LCP1: variants seen among roughly 807,000 people sequenced by gnomAD.
LCP1 encodes plastin-2.
A neutral mutation model predicts 72.0 loss-of-function variants in LCP1; 23 were observed. The ratio of observed to expected loss-of-function variants is 0.32; its 90% confidence interval spans 0.23 to 0.45. The LOEUF (loss-of-function observed/expected upper bound fraction) is 0.45. Ranked by LOEUF, LCP1 falls within the 20% of genes least tolerant of loss-of-function variation. The pLI is 1.00. For missense variants in LCP1, 571 were observed against 748.3 expected, an observed-to-expected ratio of 0.76 and a Z score of 2.76; for synonymous variants, 245 against 275.4, an observed-to-expected ratio of 0.89 and a Z score of 1.09.
intron 5 of LCP1, among the ~76,000 whole-genome samples, chr13:46,155,765 T>C (rs1661624386): frequency 6.6e-6 from 1 of 152,216 alleles, no homozygotes. Flanking sequence ...GTGGGTAGGA[T>C]GCAGTCCCCC....
intron 1 of LCP1, among the ~76,000 whole-genome samples, chr13:46,177,496 C>T (rs968264759): frequency 1.3e-4 from 20 of 151,958 alleles, no homozygotes; most frequent in Admixed American, 5.9e-4. Context: ...AAAAATTAGC[C>T]GGGCGTGGTG....
chr13:46,162,817 G>A (rs1228051038), intron 1 of LCP1, among the ~76,000 whole-genome samples: 1 of 151,958 alleles, frequency 6.6e-6, no homozygotes, highest in Non-Finnish European at 1.5e-5. Context: ...GATGTGAGGA[G>A]CGCCTCTGCC....
Position 46,159,081 on chromosome 13 carries a change from G to A in LCP1, c.65-92C>T, listed in dbSNP as rs191283717. The A allele has an allele frequency of 4.3e-5, 50 of 1,151,792 alleles. No individual in the cohort carries two copies. The Middle Eastern group carries it at 5.9e-4, about 14-fold the overall frequency. 71.3% of individuals were successfully genotyped at this position (1,151,792 alleles called of 1,614,324 possible). A position where few individuals can be genotyped will look rare whatever the true frequency, so the allele number is the denominator to read the frequency against. ...AAGACTAGATGGAAGGTGAAGGGAC[G>A]AGAGAGGCTATCATTCAGACATTAA... On this transcript the variant is annotated intron_variant, in intron 2 of 15. Transcript: ENST00000323076.
chr13:46,167,452 A>G (rs369609676), intron 1 of LCP1, among the ~76,000 whole-genome samples: 1 of 152,270 alleles, frequency 6.6e-6, no homozygotes, highest in African/African-American at 2.4e-5. Flanking sequence ...TGACACAAGA[A>G]CAAGCCTCCT....
Position 46,174,610 on chromosome 13 carries a change from G to A in LCP1, c.-25+7501C>T, listed in dbSNP as rs144208333. On this transcript the variant is annotated intron_variant, in intron 1 of 15. Transcript: ENST00000323076. ...TGTAATCCCAGAACTTTGGGAGGCC[G>A]AAGTAGGGGGATCGCCTGAGGTCAG... 3.9e-5 allele frequency among the ~76,000 whole-genome samples: 6 copies of A among 152,202 alleles called. No individual in the cohort carries two copies. The East Asian group carries it at 7.7e-4, about 20-fold the overall frequency.
chr13:46,153,641 C>T (rs541259309), intron 6 of LCP1, among the ~76,000 whole-genome samples: 16 of 148,354 alleles, frequency 1.1e-4, no homozygotes, highest in Non-Finnish European at 2.1e-4. Context: ...GCAGAGGTTG[C>T]GGTGAGCTGA....
chr13:46,142,605 A>G (rs1227155387), intron 12 of LCP1, 180 bp from the exon 13 acceptor site: 1 of 649,678 alleles, frequency 1.5e-6, no homozygotes, highest in African/African-American at 1.8e-5. Flanking sequence ...ATCTGTCCTT[A>G]GAACCCCTCA....
In LCP1 at chr13:46,130,949, A is replaced by C; in HGVS notation, c.1627-11T>G. ...ACTAATCTTCGGGTCCTATGCAGAG[A>C]CACAGGGAGGGTTTCATCAACGTGT... On this transcript the variant is annotated splice_polypyrimidine_tract_variant and intron_variant, in intron 14 of 15. Transcript: ENST00000323076. 1 of 1,576,444 alleles carries C rather than the reference A, an allele frequency of 6.3e-7. No homozygotes were observed. Among genetic ancestry groups the C allele is most frequent in the Non-Finnish European group, 8.6e-7 (1 of 1,166,120 alleles).
At chr13:46,165,587 G>A (rs1458026586) in intron 1 of LCP1, among the ~76,000 whole-genome samples, 2 of 152,148 alleles carry the variant, frequency 1.3e-5, no homozygotes, top group Non-Finnish European at 1.5e-5. Flanking sequence ...AAAAGGAGGG[G>A]CTAAAGAAAG....
chr13:46,141,542 G>T (rs957150345), intron 13 of LCP1, among the ~76,000 whole-genome samples: 4 of 151,276 alleles, frequency 2.6e-5, no homozygotes, highest in Admixed American at 1.3e-4. Context: ...AATGACAATA[G>T]ATTTCCCCTT....
intron 4 of LCP1, among the ~76,000 whole-genome samples, 197 bp downstream of exon 4, chr13:46,158,325 T>C (rs1390481731): frequency 6.6e-6 from 1 of 152,176 alleles, no homozygotes; most frequent in Non-Finnish European, 1.5e-5. Context: ...ATCAAATCAT[T>C]TTGTATTGGA....
intron 1 of LCP1, among the ~76,000 whole-genome samples, chr13:46,177,717 CAAACA>C (rs1409012060): frequency 6.6e-5 from 10 of 152,072 alleles, no homozygotes; most frequent in Non-Finnish European, 1.2e-4. Flanking sequence ...AACAAACAAA[CAAACA>C]AAAGACTAAG....
chr13:46,131,169 A>C (rs908278225), intron 14 of LCP1, among the ~76,000 whole-genome samples: 3 of 152,230 alleles, frequency 2.0e-5, no homozygotes, highest in Non-Finnish European at 4.4e-5. Flanking sequence ...TTCTCAAATA[A>C]TAAATGGAAG....
intron 1 of LCP1, among the ~76,000 whole-genome samples, chr13:46,162,932 G>A (rs983328989): frequency 1.7e-4 from 26 of 151,688 alleles, no homozygotes; most frequent in African/African-American, 6.0e-4. Context: ...GAAAAGTGAG[G>A]CGCCCCTCCG....
At chr13:46,130,542 C>T (rs1265986359) in intron 15 of LCP1, among the ~76,000 whole-genome samples, 1 of 151,462 alleles carries the variant, frequency 6.6e-6, no homozygotes, top group Non-Finnish European at 1.5e-5. Flanking sequence ...TTTTATGAAA[C>T]TATAGGCTTG....
chr13:46,161,496 A>G (rs1009850462), intron 1 of LCP1, among the ~76,000 whole-genome samples: 2 of 152,082 alleles, frequency 1.3e-5, no homozygotes, highest in Non-Finnish European at 2.9e-5. Context: ...CATCACAATA[A>G]CCCTAAGAGA....
At chr13:46,161,352 A>G (rs946622757) in intron 1 of LCP1, among the ~76,000 whole-genome samples, 1 of 152,328 alleles carries the variant, frequency 6.6e-6, no homozygotes, top group South Asian at 2.1e-4. Context: ...TTAAAAATAT[A>G]TTTTTGATAT....
rs1400765039 is a variant in LCP1 at position 46,148,410 on chromosome 13, G to A, written c.920C>T (p.Ala307Val). ...KAYYHLLEQV[A>V]PKGDEEGVPA... ...AACACCTTCTTCATCTCCTTTTGGAGCCACCTGCTCAAGCAGGTGGTAATA... is the reference window on the plus strand; with the variant it reads ...AACACCTTCTTCATCTCCTTTTGGAACCACCTGCTCAAGCAGGTGGTAATA... The change falls in exon 9 of 16, where the codon GCT becomes GTT. Residue 307 changes from alanine to valine, a missense_variant. Ala to Val is a moderately conservative substitution (Grantham distance 64). Coordinates refer to ENST00000323076, the MANE Select transcript of LCP1 (RefSeq NM_002298.5). The A allele has an allele frequency of 1.2e-6, 2 of 1,612,824 alleles. No individual in the cohort carries two copies. The highest frequency in any genetic ancestry group is 1.7e-6 in the Non-Finnish European group (2 of 1,179,832).
intron 4 of LCP1, 35 bp downstream of exon 4, chr13:46,158,487 C>T (rs373568323): frequency 2.5e-6 from 4 of 1,606,504 alleles, no homozygotes; most frequent in East Asian, 2.2e-5. Flanking sequence ...ATCTGTAATC[C>T]TGAAATCCTG....
Sources: allele counts gnomAD v4.1 joint callset (sites outside exome capture counted in the v4.1 genomes callset), GRCh38; gene constraint gnomAD v4.1.1; transcripts MANE v1.5; gene names NCBI Gene and HGNC (gene_info 2026-07-23, HGNC 2026-07-21).